SLCO1A2: variants seen among roughly 807,000 people sequenced by gnomAD.
The protein encoded by SLCO1A2 is solute carrier organic anion transporter family member 1A2, also known as OATP-1.
SLCO1A2 carries 67 observed loss-of-function variants against 69.0 expected under a neutral mutation model. The ratio of observed to expected loss-of-function variants is 0.97; its 90% CI spans 0.80 to 1.19. The LOEUF (loss-of-function observed/expected upper bound fraction) is 1.19, where lower values mean the gene tolerates loss of function less well. SLCO1A2 is among the 50% of genes most tolerant of loss of function. The pLI is 0.00. For missense variants in SLCO1A2, 787 were observed against 793.7 expected (o/e 0.99, Z 0.10); for synonymous variants, 260 against 265.9 (o/e 0.98, Z 0.22).
chr12:21,307,919 G>A (rs1228280869), intron 4 of SLCO1A2, among the ~76,000 whole-genome samples: 2 of 152,140 alleles, frequency 1.3e-5, no homozygotes, highest in Admixed American at 6.5e-5. Flanking sequence ...TGCCCAAAGA[G>A]TTTGGCTGTG....
chr12:21,326,052 C>T (rs574417694), intron 2 of SLCO1A2, among the ~76,000 whole-genome samples: 20 of 152,266 alleles, frequency 1.3e-4, no homozygotes, highest in Non-Finnish European at 2.5e-4. Context: ...GTAATTGGAT[C>T]ATAGGGGTGG....
intron 14 of SLCO1A2, among the ~76,000 whole-genome samples, chr12:21,273,455 A>G (rs1943250789): frequency 6.6e-6 from 1 of 152,196 alleles, no homozygotes; most frequent in African/African-American, 2.4e-5. Context: ...CCTTATTTCT[A>G]GAATATCTTG....
intron 6 of SLCO1A2, 109 bp downstream of exon 6, chr12:21,304,318 A>G (rs1949083526): frequency 2.4e-6 from 2 of 846,774 alleles, no homozygotes; most frequent in Non-Finnish European, 3.7e-6. Context: ...GTGCCAAGAT[A>G]CTCTACTCAT....
chr12:21,317,953 C>T lies in SLCO1A2; in HGVS notation c.202+829G>A, dbSNP rs1951088647. On this transcript the variant is annotated intron_variant, in intron 3 of 14. Transcript: ENST00000683939. The stretch of plus-strand genomic sequence containing the variant: ...GACTTTATTTTTCTCTAGAGGCTGC[C>T]TCTGAAATGAATTCAGAGAGCTATA... Among the ~76,000 whole-genome samples the T allele has an allele frequency of 1.3e-5, 2 of 152,148 alleles. 1 individual carries two copies. Among genetic ancestry groups the T allele is most frequent in the African/African-American group, 4.8e-5 (2 of 41,518 alleles).
At chr12:21,353,437 C>G (rs754582577) in intron 2 of SLCO1A2, among the ~76,000 whole-genome samples, 2 of 150,092 alleles carry the variant, frequency 1.3e-5, no homozygotes, top group South Asian at 4.2e-4. Flanking sequence ...ATGGAAGGTT[C>G]GTAGCCTCTT....
At chr12:21,340,176 T>C (rs1346192579) in intron 2 of SLCO1A2, among the ~76,000 whole-genome samples, 1 of 152,028 alleles carries the variant, frequency 6.6e-6, no homozygotes, top group East Asian at 1.9e-4. Context: ...TAAAACAAAA[T>C]GTTGTTGTCA....
chr12:21,377,175 A>G (rs1940260222), intron 1 of SLCO1A2, among the ~76,000 whole-genome samples: 1 of 152,186 alleles, frequency 6.6e-6, no homozygotes, highest in African/African-American at 2.4e-5. Context: ...TACCATTGAC[A>G]TAAAAAGTCT....
At chr12:21,275,553 A>G (rs1397421726) in intron 12 of SLCO1A2, 129 bp from the exon 13 acceptor site, 1 of 978,180 alleles carries the variant, frequency 1.0e-6, no homozygotes, top group East Asian at 3.1e-5. Context: ...ATGCTCACTT[A>G]TTGGTTATTC....
intron 12 of SLCO1A2, among the ~76,000 whole-genome samples, chr12:21,285,695 T>A (rs1945638063): frequency 7.0e-6 from 1 of 142,904 alleles, no homozygotes; most frequent in Non-Finnish European, 1.5e-5. Context: ...GATGCAAGGC[T>A]GGTTCAATAT....
At chr12:21,338,899 A>C (rs1176218547), upstream of SLCO1A2, among the ~76,000 whole-genome samples, 1 of 152,052 alleles carries the variant, frequency 6.6e-6, no homozygotes, top group East Asian at 1.9e-4. Flanking sequence ...TTTTCACATA[A>C]ATTTATGTAG....
chr12:21,394,661 A>T (rs1941342714), intron 1 of SLCO1A2, among the ~76,000 whole-genome samples: 1 of 152,140 alleles, frequency 6.6e-6, no homozygotes, highest in Admixed American at 6.5e-5. Flanking sequence ...GAACAAGGTG[A>T]TACGGCCACC....
Position 21,403,000 on chromosome 12 carries a change from A to G in SLCO1A2, c.-312+14882T>C, listed in dbSNP as rs1941755501. Among the ~76,000 whole-genome samples the G allele has an allele frequency of 2.0e-5, 3 of 151,954 alleles. No individual in the cohort carries two copies. In the South Asian group the frequency reaches 6.2e-4, roughly 31 times the overall value. On this transcript the variant is annotated intron_variant, in intron 1 of 4. Transcript: ENST00000413682. ...ACAACTAATGTTCTGAGATTTCCAG[A>G]GAGAGAGAGACATGTGAAGAACACG...
chr12:21,274,620 A>C, intron 13 of SLCO1A2, 34 bp from the exon 14 acceptor site: 2 of 1,284,958 alleles, frequency 1.6e-6, no homozygotes, highest in South Asian at 1.2e-5. Flanking sequence ...ATCTATCAAC[A>C]AGAATTAAGA....
At chr12:21,339,471 T>C (rs889732662), upstream of SLCO1A2, among the ~76,000 whole-genome samples, 13 of 152,020 alleles carry the variant, frequency 8.6e-5, no homozygotes, top group African/African-American at 3.1e-4. Context: ...ACTAGCCGTG[T>C]GTTTTTGTAC....
At chr12:21,372,698 T>G (rs1591894009) in intron 2 of SLCO1A2, among the ~76,000 whole-genome samples, 1 of 151,606 alleles carries the variant, frequency 6.6e-6, no homozygotes, top group East Asian at 1.9e-4. Flanking sequence ...GACACACCAT[T>G]AACTGCACAA....
chr12:21,321,397 C>T (rs577285862), intron 2 of SLCO1A2, among the ~76,000 whole-genome samples: 12 of 152,310 alleles, frequency 7.9e-5, no homozygotes, highest in African/African-American at 2.4e-4. Flanking sequence ...CCTGTTTACT[C>T]TCCTCTAGCC....
At chr12:21,269,905 G>T in intron 14 of SLCO1A2, 138 bp from the exon 15 acceptor site, 1 of 484,238 alleles carries the variant, frequency 2.1e-6, no homozygotes, top group Non-Finnish European at 3.4e-6. Context: ...AAGCAACTTT[G>T]CTAAACTCTC....
At chr12:21,289,314 G>A (rs1291363789) in intron 12 of SLCO1A2, among the ~76,000 whole-genome samples, 1 of 151,862 alleles carries the variant, frequency 6.6e-6, no homozygotes, top group East Asian at 1.9e-4. Context: ...AACATCCTGA[G>A]TGATAGGAAT....
At position 21,292,151 on chromosome 12, in the gene SLCO1A2, A is replaced by T. The variant is rs1479530916; in HGVS notation, c.1610+13T>A. The stretch of plus-strand genomic sequence containing the variant: ...ACCCCAAAAAAATATAAATAAAGAA[A>T]ATAATTTTGTACCTCAAGAGAACCA... On this transcript the variant is annotated intron_variant, in intron 12 of 14. Transcript: ENST00000683939. The T allele has an allele frequency of 6.6e-7, 1 of 1,519,748 alleles. No homozygotes were observed. The highest frequency in any genetic ancestry group is 2.3e-5 in the Admixed American group (1 of 42,812). The allele number at this position is 1,519,748 out of a possible 1,614,324, so 94.1% of individuals were successfully genotyped here.
Sources: gnomAD v4.1 joint callset for allele counts (sites outside exome capture counted in the v4.1 genomes callset) on GRCh38, gnomAD v4.1.1 for gene constraint, MANE v1.5 for transcripts, NCBI Gene and HGNC (gene_info 2026-07-23, HGNC 2026-07-21) for gene names.